GJA5: variants seen among roughly 807,000 people sequenced by gnomAD.
GJA5 encodes gap junction protein alpha 5.
Under a neutral mutation model 7.9 loss-of-function variants are expected in GJA5, and 3 were observed. The observed-to-expected ratio is 0.38, with a 90% CI of 0.17 to 0.99. The LOEUF (loss-of-function observed/expected upper bound fraction) is 0.99. Ranked by LOEUF, GJA5 falls within the 50% of genes least tolerant of loss-of-function variation. The pLI, the probability that GJA5 is intolerant of heterozygous loss-of-function variation, is 0.38. For synonymous variants in GJA5, 193 were observed against 181.0 expected, an observed-to-expected ratio of 1.07 and a Z score of -0.53; for missense variants, 390 against 457.9, an observed-to-expected ratio of 0.85 and a Z score of 1.35.
In GJA5 at chr1:147,758,427, A is replaced by T. The variant is rs782376614; in HGVS notation, c.812T>A (p.Leu271Gln). The part of the protein sequence containing the change: ...CTPPPDFNQC[L>Q]ENGPGGKFFN... ...GAATTTTCCCCCAGGGCCATTCTCC[A>T]GGCACTGATTAAAGTCGGGGGGTGG... The change falls in exon 2 of 2, where the codon CTG becomes CAG. Residue 271 changes from leucine (L) to glutamine (Q), a missense_variant. Physicochemically the swap from Leu to Gln is moderately radical, Grantham distance 113. Coordinates refer to ENST00000579774, the MANE Select transcript of GJA5 (RefSeq NM_181703.4). 8 of 1,614,056 alleles carry T rather than the reference A, an allele frequency of 5.0e-6. No homozygotes were observed. Among genetic ancestry groups the T allele is most frequent in the Non-Finnish European group, 6.8e-6 (8 of 1,180,012 alleles).
chr1:147,761,411 G>A (rs1052444465), upstream of GJA5, among the ~76,000 whole-genome samples: 19 of 152,136 alleles, frequency 1.2e-4, no homozygotes, highest in African/African-American at 4.1e-4. Flanking sequence ...CAGCTCTTGA[G>A]TTGATTGTTG....
rs1245381241 is a variant in GJA5, at chr1:147,758,742, C to G, written c.497G>C (p.Gly166Ala). The G allele has an allele frequency of 5.6e-6, 9 of 1,614,014 alleles. No homozygotes were observed. Among genetic ancestry groups the G allele is most frequent in the Non-Finnish European group, 7.6e-6 (9 of 1,179,990 alleles). ...SILIRTTMEVGFIVGQYFIYG... is the reference protein window; with the variant it reads ...SILIRTTMEVAFIVGQYFIYG... ...GATGAAGTACTGGCCCACAATGAAGCCCACCTCCATGGTGGTGCGGATCAG... is the reference window on the plus strand; with the variant it reads ...GATGAAGTACTGGCCCACAATGAAGGCCACCTCCATGGTGGTGCGGATCAG... The change falls in exon 2 of 2, where the codon GGC becomes GCC. Residue 166 changes from glycine to alanine, a missense_variant. Coordinates refer to ENST00000579774, the MANE Select transcript of GJA5 (RefSeq NM_181703.4).
chr1:147,767,736 A>G (rs1664260405), intron 1 of GJA5, among the ~76,000 whole-genome samples: 1 of 151,980 alleles, frequency 6.6e-6, no homozygotes. Context: ...GGGTAACTTG[A>G]GCAAGATCAC....
upstream of GJA5, among the ~76,000 whole-genome samples, chr1:147,760,917 C>T (rs587754578): frequency 5.2e-4 from 79 of 152,030 alleles, no homozygotes; most frequent in African/African-American, 1.9e-3. Flanking sequence ...ACTCACAGTG[C>T]TCCCATCCCC....
intron 1 of GJA5, among the ~76,000 whole-genome samples, chr1:147,771,748 C>T (rs1664410543): frequency 6.6e-6 from 1 of 152,190 alleles, no homozygotes; most frequent in South Asian, 2.1e-4. Context: ...CCTCCTGGTA[C>T]TCTCTGCTCT....
At chr1:147,761,237 A>C (rs753692109), upstream of GJA5, among the ~76,000 whole-genome samples, 1 of 152,188 alleles carries the variant, frequency 6.6e-6, no homozygotes, top group Non-Finnish European at 1.5e-5. Flanking sequence ...CCTTTCTTAG[A>C]ATCATAAACC....
intron 1 of GJA5, among the ~76,000 whole-genome samples, chr1:147,767,271 A>G (rs1664239122): frequency 6.6e-6 from 1 of 152,182 alleles, no homozygotes; most frequent in South Asian, 2.1e-4. Context: ...GATAATAATA[A>G]TAATGGAAAT....
In GJA5 at chr1:147,759,269, C is replaced by A; in HGVS notation, c.-31G>T. 1 of 1,397,832 alleles carries A rather than the reference C, an allele frequency of 7.2e-7. No homozygotes were observed. 86.6% of individuals were successfully genotyped at this position (1,397,832 alleles called of 1,614,324 possible). On this transcript the variant is annotated splice_region_variant and 5_prime_UTR_variant, in exon 2 of 2. Transcript: ENST00000579774. Reference sequence around the variant, plus strand: ...CACAGCCAGGGAACAGATGCCAAAACTTCTGCAAATGGGAGAGAGAGAAAG... The same window carrying A: ...CACAGCCAGGGAACAGATGCCAAAAATTCTGCAAATGGGAGAGAGAGAAAG...
At chr1:147,769,792 G>A (rs1664331222) in intron 1 of GJA5, among the ~76,000 whole-genome samples, 1 of 151,990 alleles carries the variant, frequency 6.6e-6, no homozygotes, top group Non-Finnish European at 1.5e-5. Context: ...GGAGAATCAG[G>A]GAGGTGTAGG....
chr1:147,758,911 C>T lies in GJA5; in HGVS notation c.328G>A (p.Glu110Lys). Residue 110 changes from glutamate to lysine, a missense_variant, in exon 2 of 2, where the codon GAG (glutamate) becomes AAG (lysine). Glu to Lys is a moderately conservative substitution (Grantham distance 56). Transcript: ENST00000579774. ...CGGACCTCTTTGGCCCTCTCGGCCT[C>T]CCGTAGCTTGCGCTTCTCCTGCATG... ...VRMQEKRKLREAERAKEVRGS... is the reference protein window; with the variant it reads ...VRMQEKRKLRKAERAKEVRGS... The T allele has an allele frequency of 1.2e-6, 2 of 1,614,258 alleles. No homozygotes were observed. The highest frequency in any genetic ancestry group is 1.7e-6 in the Non-Finnish European group (2 of 1,180,046).
upstream of GJA5, among the ~76,000 whole-genome samples, chr1:147,763,382 A>G (rs1664088735): frequency 1.3e-5 from 2 of 152,234 alleles, no homozygotes; most frequent in Admixed American, 1.3e-4. Flanking sequence ...ATGTGTGTTA[A>G]CATAAAGGAA....
chr1:147,758,193 C>T lies in GJA5; in HGVS notation c.1046G>A (p.Ser349Asn), dbSNP rs1553226738. Residue 349 changes from serine to asparagine, a missense_variant, in exon 2 of 2, where the codon AGC becomes AAC. Ser to Asn is a conservative substitution (Grantham distance 46). Coordinates refer to ENST00000579774, the MANE Select transcript of GJA5 (RefSeq NM_181703.4). Reference sequence around the variant, plus strand: ...TGATAGGTCATCTGACCTTGCCTTGCTGCTGGCCTTACTAAGACGTCGCTT... The same window carrying T: ...TGATAGGTCATCTGACCTTGCCTTGTTGCTGGCCTTACTAAGACGTCGCTT... ...SDKRRLSKAS[S>N]KARSDDLSV The T allele has an allele frequency of 1.2e-6, 2 of 1,613,968 alleles. No homozygotes were observed. The highest frequency in any genetic ancestry group is 3.3e-5 in the Admixed American group (2 of 60,028).
chr1:147,770,988 A>G (rs943749754), intron 1 of GJA5, among the ~76,000 whole-genome samples: 11 of 152,122 alleles, frequency 7.2e-5, no homozygotes, highest in Admixed American at 2.6e-4. Context: ...ATGGGAGTTC[A>G]TTCACACAGA....
Position 147,758,691 on chromosome 1 carries a change from T to C in GJA5, c.548A>G (p.His183Arg). Residue 183 changes from histidine to arginine, a missense_variant, in exon 2 of 2, where the codon CAT becomes CGT. Transcript: ENST00000579774. ...FIYGIFLTTL[H>R]VCRRSPCPHP... ...GGGACAGGGACTCCTGCGGCAGACATGCAGGGTGGTCAGGAAGATTCCGTA... is the reference window on the plus strand; with the variant it reads ...GGGACAGGGACTCCTGCGGCAGACACGCAGGGTGGTCAGGAAGATTCCGTA... 1 of 1,614,130 alleles carries C rather than the reference T, an allele frequency of 6.2e-7. No individual in the cohort carries two copies. The highest frequency in any genetic ancestry group is 2.2e-5 in the East Asian group (1 of 44,858).
chr1:147,758,056 G>A lies in GJA5; in HGVS notation c.*106C>T, dbSNP rs1251615168. 4.7e-6 allele frequency: 4 copies of A among 842,510 alleles called. No homozygotes were observed. The highest frequency in any genetic ancestry group is 1.7e-5 in the African/African-American group (1 of 60,222). The allele number at this position is 842,510 out of a possible 1,614,324, so 52.2% of individuals were successfully genotyped here. On this transcript the variant is annotated 3_prime_UTR_variant, in exon 2 of 2. Coordinates refer to ENST00000579774, the MANE Select transcript of GJA5 (RefSeq NM_181703.4). ...TCATTGAGACCCGGGGCTCAAAGGA[G>A]CCAAGCAGTGATGACAGTGAGAAAG...
intron 1 of GJA5, among the ~76,000 whole-genome samples, chr1:147,768,792 A>C: frequency 6.6e-6 from 1 of 152,176 alleles, no homozygotes; most frequent in East Asian, 1.9e-4. Context: ...TGATGAAAAA[A>C]CTGAGGCTCA....
intron 1 of GJA5, among the ~76,000 whole-genome samples, chr1:147,772,220 A>T (rs1553229167): frequency 6.6e-6 from 1 of 152,160 alleles, no homozygotes; most frequent in African/African-American, 2.4e-5. Flanking sequence ...CAGAAACAGC[A>T]GCCCCAGTGA....
intron 1 of GJA5, among the ~76,000 whole-genome samples, chr1:147,760,242 T>C (rs1663946131): frequency 6.6e-6 from 1 of 152,172 alleles, no homozygotes. Context: ...CAAAACTTTA[T>C]GTCCCTTACA....
chr1:147,756,370 T>A lies in GJA5; in HGVS notation c.*1792A>T, dbSNP rs1557940595. 6.6e-6 allele frequency: 1 copy of A among 152,194 alleles called. No homozygotes were observed. The highest frequency in any genetic ancestry group is 1.5e-5 in the Non-Finnish European group (1 of 68,028). The allele number at this position is 152,194 out of a possible 1,614,324, so 9.4% of individuals were successfully genotyped here. Reference sequence around the variant, plus strand: ...GAAAATATTAATGCTAGGCAATAGATTAAAAGGTGTCCCCTCCAGGGACCC... The same window carrying A: ...GAAAATATTAATGCTAGGCAATAGAATAAAAGGTGTCCCCTCCAGGGACCC... On this transcript the variant is annotated 3_prime_UTR_variant, in exon 2 of 2. Transcript: ENST00000579774.
Sources: allele counts gnomAD v4.1 joint callset (sites outside exome capture counted in the v4.1 genomes callset), GRCh38; gene constraint gnomAD v4.1.1; transcripts MANE v1.5; gene names NCBI Gene and HGNC (gene_info 2026-07-23, HGNC 2026-07-21).